ESYT2: variants seen among roughly 807,000 people sequenced by gnomAD.
ESYT2 encodes extended synaptotagmin 2.
A neutral mutation model predicts 107.2 loss-of-function variants in ESYT2; 54 were observed. That is an observed-to-expected ratio of 0.50 (90% CI 0.40 to 0.63). The LOEUF (loss-of-function observed/expected upper bound fraction) is 0.63. Among genes scored for constraint, ESYT2 ranks in the 30% least tolerant of loss-of-function variants. The pLI is 0.00. For synonymous variants in ESYT2, 491 were observed against 434.1 expected, an observed-to-expected ratio of 1.13 and a Z score of -1.63; for missense variants, 1,020 against 1,094.5, an observed-to-expected ratio of 0.93 and a Z score of 0.96.
chr7:158,753,173 T>C (rs772053991), intron 13 of ESYT2, among the ~76,000 whole-genome samples: 8 of 152,244 alleles, frequency 5.3e-5, no homozygotes, highest in Non-Finnish European at 8.8e-5. Context: ...TTTACTATTC[T>C]ATGCTGAATA....
At chr7:158,806,063 CCGGGGCACACCGCG>C (rs1839817805) in intron 1 of ESYT2, among the ~76,000 whole-genome samples, 1 of 151,948 alleles carries the variant, frequency 6.6e-6, no homozygotes. Flanking sequence ...AGAGCCGGCG[CCGGGGCACACCGCG>C]TGGGAGGCGC....
chr7:158,760,304 C>T (rs530375023), intron 11 of ESYT2, among the ~76,000 whole-genome samples, 157 bp from the exon 12 acceptor site: 6 of 152,350 alleles, frequency 3.9e-5, no homozygotes, highest in South Asian at 2.1e-4. Context: ...TCCAGCTCTA[C>T]GCTATGTGGA....
At chr7:158,767,820 G>C in intron 7 of ESYT2, 46 bp from the exon 8 acceptor site, 2 of 1,580,744 alleles carry the variant, frequency 1.3e-6, no homozygotes, top group Non-Finnish European at 1.7e-6. Context: ...TCAGACATGT[G>C]AATGCTTCTC....
chr7:158,802,811 A>C (rs1030860162), intron 1 of ESYT2, among the ~76,000 whole-genome samples: 4 of 152,338 alleles, frequency 2.6e-5, no homozygotes, highest in Admixed American at 2.0e-4. Context: ...TAATACCTTT[A>C]AGTAAAATTT....
intron 6 of ESYT2, among the ~76,000 whole-genome samples, chr7:158,779,300 G>A (rs1298064438): frequency 6.6e-6 from 1 of 152,198 alleles, no homozygotes; most frequent in African/African-American, 2.4e-5. Flanking sequence ...GAGCCCAGGA[G>A]TGTGAGGCTG....
chr7:158,817,838 T>C (rs1840187200), intron 1 of ESYT2, among the ~76,000 whole-genome samples: 1 of 152,238 alleles, frequency 6.6e-6, no homozygotes, highest in Admixed American at 6.5e-5. Context: ...GAAAGTATCA[T>C]TCAGATTAAT....
chr7:158,750,108 A>C (rs532532571), intron 14 of ESYT2, among the ~76,000 whole-genome samples: 1 of 152,312 alleles, frequency 6.6e-6, no homozygotes, highest in East Asian at 1.9e-4. Flanking sequence ...AAGAACGTAA[A>C]ATTCAGAATA....
chr7:158,770,486 G>A (rs1464578648), intron 7 of ESYT2, among the ~76,000 whole-genome samples: 1 of 150,700 alleles, frequency 6.6e-6, no homozygotes, highest in Non-Finnish European at 1.5e-5. Context: ...TATTTTTAAT[G>A]ACATAATTAT....
chr7:158,802,179 G>C (rs1839665655), intron 1 of ESYT2, among the ~76,000 whole-genome samples: 1 of 152,160 alleles, frequency 6.6e-6, no homozygotes, highest in Non-Finnish European at 1.5e-5. Flanking sequence ...CAAAAATTAA[G>C]TAAAAGGAAT....
At chr7:158,797,651 C>T (rs1014262309) in intron 3 of ESYT2, among the ~76,000 whole-genome samples, 5 of 151,882 alleles carry the variant, frequency 3.3e-5, no homozygotes, top group African/African-American at 9.7e-5. Context: ...GTCAGGAGAT[C>T]GAGACCATCC....
intron 1 of ESYT2, among the ~76,000 whole-genome samples, chr7:158,827,235 T>C (rs537868670): frequency 6.6e-6 from 1 of 152,076 alleles, no homozygotes; most frequent in Admixed American, 6.5e-5. Context: ...AATTTGATAT[T>C]AGCCAATAAC....
chr7:158,742,210 G>A (rs893761757), intron 17 of ESYT2, among the ~76,000 whole-genome samples: 1 of 152,146 alleles, frequency 6.6e-6, no homozygotes, highest in African/African-American at 2.4e-5. Context: ...CCAAGTAGCT[G>A]GGGCATCGCC....
In ESYT2 at chr7:158,797,946, T is replaced by C. The variant is rs577103120; in HGVS notation, c.503A>G (p.Gln168Arg). Residue 168 changes from glutamine (Q) to arginine (R), a missense_variant, in exon 3 of 23, where the codon CAG becomes CGG. Gln to Arg is a conservative substitution (Grantham distance 43). Transcript: ENST00000275418. ...TFSFTKVDVG[Q>R]QPLRINGVKV... is the part of the protein sequence containing the mutation. ...GATACTTAAGAGAACACTGACCTGCTGGCCCACGTCGACCTTCGTGAAACT... is the reference window on the plus strand; with the variant it reads ...GATACTTAAGAGAACACTGACCTGCCGGCCCACGTCGACCTTCGTGAAACT... The C allele has an allele frequency of 1.2e-4, 191 of 1,613,868 alleles. No homozygotes were observed. Among genetic ancestry groups the C allele is most frequent in the Non-Finnish European group, 1.6e-4 (186 of 1,179,886 alleles).
chr7:158,775,551 A>G (rs1371740950), intron 6 of ESYT2, among the ~76,000 whole-genome samples: 3 of 152,190 alleles, frequency 2.0e-5, no homozygotes, highest in Admixed American at 6.6e-5. Context: ...CATCTCAGGA[A>G]ACCACTTTCT....
chr7:158,782,162 A>T (rs1337470760), intron 6 of ESYT2, among the ~76,000 whole-genome samples: 4 of 151,294 alleles, frequency 2.6e-5, no homozygotes, highest in East Asian at 3.9e-4. Flanking sequence ...TGTGAGTGTG[A>T]GAACAGTGAG....
intron 7 of ESYT2, among the ~76,000 whole-genome samples, chr7:158,771,977 C>A (rs908297527): frequency 1.3e-5 from 2 of 151,982 alleles, no homozygotes; most frequent in African/African-American, 4.8e-5. Flanking sequence ...AAAAATTAGC[C>A]AGGTGTGGTG....
chr7:158,735,010 C>T (rs941454808), intron 21 of ESYT2, among the ~76,000 whole-genome samples: 1 of 152,192 alleles, frequency 6.6e-6, no homozygotes, highest in Non-Finnish European at 1.5e-5. Context: ...TAAAATTCAG[C>T]TATGACGGAA....
intron 19 of ESYT2, among the ~76,000 whole-genome samples, chr7:158,738,586 C>T (rs1837070047): frequency 6.6e-6 from 1 of 151,850 alleles, no homozygotes; most frequent in Admixed American, 6.6e-5. Context: ...TCCCTAGTAG[C>T]TGGGATTACA....
At chr7:158,809,436 A>G (rs1168065584) in intron 1 of ESYT2, among the ~76,000 whole-genome samples, 1 of 120,138 alleles carries the variant, frequency 8.3e-6, no homozygotes, top group Non-Finnish European at 1.6e-5. Flanking sequence ...AGATCGCACC[A>G]TTGCACTCCA....
Sources: gnomAD v4.1 joint callset for allele counts (sites outside exome capture counted in the v4.1 genomes callset) on GRCh38, gnomAD v4.1.1 for gene constraint, MANE v1.5 for transcripts, NCBI Gene and HGNC (gene_info 2026-07-23, HGNC 2026-07-21) for gene names.